The following UGT1A9 variants were observed in gnomAD, a reference collection of about 807,000 sequenced individuals.
UGT1A9 encodes UDP glucuronosyltransferase family 1 member A9.
In UGT1A9, 35 loss-of-function variants were observed where a neutral mutation model predicts 45.0. That is an observed-to-expected ratio of 0.78 (90% CI 0.59 to 1.03). The LOEUF (loss-of-function observed/expected upper bound fraction) is 1.03, where lower values mean the gene tolerates loss of function less well. Ranked by LOEUF, UGT1A9 falls within the 50% of genes least tolerant of loss-of-function variation. The pLI, the probability that UGT1A9 is intolerant of heterozygous loss-of-function variation, is 0.00. For synonymous variants in UGT1A9, 278 were observed against 250.6 expected, an observed-to-expected ratio of 1.11 and a Z score of -1.03; for missense variants, 687 against 666.6, an observed-to-expected ratio of 1.03 and a Z score of -0.34.
chr2:233,721,160 T>G (rs1327409494), intron 1 of UGT1A9, among the ~76,000 whole-genome samples: 1 of 152,228 alleles, frequency 6.6e-6, no homozygotes. Context: ...CACTAAACTT[T>G]ATTTTTGTTT....
chr2:233,763,077 G>C (rs1318326063), intron 1 of UGT1A9, among the ~76,000 whole-genome samples: 1 of 152,214 alleles, frequency 6.6e-6, no homozygotes, highest in Non-Finnish European at 1.5e-5. Context: ...TTCTTTGCGT[G>C]AGGATGTTTG....
intron 1 of UGT1A9, among the ~76,000 whole-genome samples, chr2:233,751,322 C>G (rs1431699530): frequency 6.6e-6 from 1 of 151,916 alleles, no homozygotes; most frequent in Non-Finnish European, 1.5e-5. Context: ...TTCTGTACCC[C>G]CATTGTGTCT....
chr2:233,693,782 G>C lies in UGT1A9; in HGVS notation c.855+20993G>C. 1.9e-6 allele frequency: 3 copies of C among 1,614,196 alleles called. No individual in the cohort carries two copies. The East Asian group carries it at 6.7e-5, about 36-fold the overall frequency. ...TGTTTGGCTGTTAAGATATGACTTT[G>C]TGCTTGAATATCCTAGGCCGGTCAT... is the stretch of plus-strand genomic sequence containing the variant. On this transcript the variant is annotated intron_variant, in intron 1 of 4. Transcript: ENST00000354728.
intron 1 of UGT1A9, chr2:233,747,663 A>G (rs1693743118): frequency 1.9e-6 from 3 of 1,600,614 alleles, no homozygotes; most frequent in Admixed American, 1.7e-5. Flanking sequence ...TGTGGTTTTA[A>G]TAGACCCAAT....
intron 2 of UGT1A9, 138 bp from the exon 3 acceptor site, chr2:233,767,711 C>A: frequency 2.6e-6 from 4 of 1,531,084 alleles, no homozygotes; most frequent in Non-Finnish European, 3.5e-6. Context: ...TCCTCAGAAG[C>A]CTTCACAGTT....
In UGT1A9 at chr2:233,768,390, A is replaced by G. The variant is rs774573761; in HGVS notation, c.1246A>G (p.Thr416Ala). ...AGVTLNVLEM[T>A]SEDLENALKA... Reference sequence around the variant, plus strand: ...AGTGACCCTGAATGTTCTGGAAATGACTTCTGAAGATTTAGAAAATGCTCT... The same window carrying G: ...AGTGACCCTGAATGTTCTGGAAATGGCTTCTGAAGATTTAGAAAATGCTCT... The change falls in exon 4 of 5, where the codon ACT becomes GCT. Residue 416 changes from threonine (T) to alanine (A), a missense_variant. Thr to Ala is a moderately conservative substitution (Grantham distance 58, BLOSUM62 0). Coordinates refer to ENST00000354728, the MANE Select transcript of UGT1A9 (RefSeq NM_021027.3). The G allele has an allele frequency of 6.2e-7, 1 of 1,614,202 alleles. No homozygotes were observed. Among genetic ancestry groups the G allele is most frequent in the South Asian group, 1.1e-5 (1 of 91,080 alleles).
intron 1 of UGT1A9, chr2:233,692,843 A>G (rs746217324): frequency 3.8e-5 from 55 of 1,453,204 alleles, no homozygotes; most frequent in Admixed American, 5.7e-5. Context: ...ATGGTTAAAT[A>G]TTAATTTGGG....
chr2:233,701,900 C>A lies in UGT1A9; in HGVS notation c.855+29111C>A, dbSNP rs182385495. Reference sequence around the variant, plus strand: ...GCCCACAAGAGAAAGCAGAAAAGATCTAAAATTGACACCCTAACATCACAA... The same window carrying A: ...GCCCACAAGAGAAAGCAGAAAAGATATAAAATTGACACCCTAACATCACAA... On this transcript the variant is annotated intron_variant, in intron 1 of 4. Coordinates refer to ENST00000354728, the MANE Select transcript of UGT1A9 (RefSeq NM_021027.3). Among the ~76,000 whole-genome samples, 549 of 152,132 alleles carry A rather than the reference C, an allele frequency of 3.6e-3. 1 individual carries two copies. Among genetic ancestry groups the A allele is most frequent in the Middle Eastern group, 0.014 (4 of 294 alleles).
chr2:233,755,319 C>T (rs776967353), intron 1 of UGT1A9: 53 of 507,946 alleles, frequency 1.0e-4, no homozygotes, highest in Non-Finnish European at 1.5e-4. Context: ...AGCGGCAAGG[C>T]TGCCAGCACC....
chr2:233,771,421 G>A (rs2126061282), intron 4 of UGT1A9: 1 of 152,290 alleles, frequency 6.6e-6, no homozygotes, highest in Admixed American at 6.5e-5. Flanking sequence ...AGAATAAACA[G>A]AAATCCATTT....
At chr2:233,700,796 T>C (rs2075587558) in intron 1 of UGT1A9, among the ~76,000 whole-genome samples, 1 of 152,174 alleles carries the variant, frequency 6.6e-6, no homozygotes, top group Non-Finnish European at 1.5e-5. Context: ...TATGTATACA[T>C]GTGCCATGTT....
At chr2:233,691,910 T>C (rs1422473663) in intron 1 of UGT1A9, 1 of 152,836 alleles carries the variant, frequency 6.5e-6, no homozygotes, top group East Asian at 1.9e-4. Context: ...CCTGAAACCA[T>C]AAGTGGTGGG....
chr2:233,718,505 ACAT>A (rs2076658456), intron 1 of UGT1A9, among the ~76,000 whole-genome samples: 1 of 152,230 alleles, frequency 6.6e-6, no homozygotes, highest in African/African-American at 2.4e-5. Context: ...GAAGGCAGTG[ACAT>A]GAAATGGGTG....
intron 1 of UGT1A9, among the ~76,000 whole-genome samples, chr2:233,761,552 A>T (rs1697800499): frequency 6.6e-6 from 1 of 152,250 alleles, no homozygotes; most frequent in Admixed American, 6.5e-5. Context: ...TGATGATGAT[A>T]GATCCTGGAA....
At chr2:233,771,806 T>C (rs1391342428) in intron 4 of UGT1A9, among the ~76,000 whole-genome samples, 2 of 140,682 alleles carry the variant, frequency 1.4e-5, no homozygotes, top group South Asian at 5.4e-4. Flanking sequence ...CTCCCTCCCT[T>C]CCTCCTTTCC....
chr2:233,677,969 C>T (rs1392545805), intron 1 of UGT1A9, among the ~76,000 whole-genome samples: 2 of 152,092 alleles, frequency 1.3e-5, no homozygotes, highest in Admixed American at 6.6e-5. Flanking sequence ...AACACATACT[C>T]CATGGAATAT....
intron 1 of UGT1A9, chr2:233,692,907 G>A: frequency 6.4e-7 from 1 of 1,552,706 alleles, no homozygotes; most frequent in Non-Finnish European, 8.7e-7. Context: ...GACAGGACCT[G>A]TGAAAAGCAG....
chr2:233,712,394 A>G (rs2013030), intron 1 of UGT1A9, among the ~76,000 whole-genome samples: 13,551 of 152,236 alleles, frequency 0.089, 758 homozygotes, highest in East Asian at 0.2. Flanking sequence ...GCCACTTCAG[A>G]GAGAGTCCTC....
chr2:233,760,637 A>G (rs1399740159), intron 1 of UGT1A9: 1 of 1,614,182 alleles, frequency 6.2e-7, no homozygotes, highest in South Asian at 1.1e-5. Context: ...AAGAAAATAA[A>G]AAAGGACTCT....
Sources: allele counts gnomAD v4.1 joint callset (sites outside exome capture counted in the v4.1 genomes callset), GRCh38; gene constraint gnomAD v4.1.1; transcripts MANE v1.5; gene names NCBI Gene and HGNC (gene_info 2026-07-23, HGNC 2026-07-21).